Variants in ANK2 observed in about 807,000 individuals in gnomAD.
ANK2 encodes ankyrin-2.
Under a neutral mutation model 360.5 loss-of-function variants are expected in ANK2, and 83 were observed. The observed-to-expected ratio is 0.23, with a 90% CI of 0.19 to 0.28. The LOEUF is 0.28. Ranked by LOEUF, ANK2 falls within the 10% of genes least tolerant of loss-of-function variation. The pLI is 1.00. For synonymous variants in ANK2, 1,740 were observed against 1,759.5 expected (o/e 0.99, Z 0.28); for missense variants, 4,201 against 4,795.7 (o/e 0.88, Z 3.66).
At chr4:113,102,257 T>G (rs2092975148) in intron 1 of ANK2, among the ~76,000 whole-genome samples, 1 of 152,026 alleles carries the variant, frequency 6.6e-6, no homozygotes, top group Non-Finnish European at 1.5e-5. Flanking sequence ...TTTATAAGAC[T>G]CAGGGATAGA....
intron 2 of ANK2, among the ~76,000 whole-genome samples, chr4:112,997,197 G>A (rs146981126): frequency 6.6e-6 from 1 of 151,976 alleles, no homozygotes; most frequent in South Asian, 2.1e-4. Context: ...ACTGTGGAAT[G>A]GCTAAATCAA....
chr4:113,154,856 G>T (rs6823694), intron 1 of ANK2, among the ~76,000 whole-genome samples: 104,016 of 151,986 alleles, frequency 0.68, 36,165 homozygotes, highest in African/African-American at 0.8. Context: ...ATGTAACCCA[G>T]GCAGTTACAG....
intron 2 of ANK2, among the ~76,000 whole-genome samples, chr4:112,960,547 T>C (rs971368119): frequency 6.6e-6 from 1 of 152,164 alleles, no homozygotes; most frequent in Non-Finnish European, 1.5e-5. Context: ...CTTCCCTTAT[T>C]TTAAAATAAA....
intron 2 of ANK2, among the ~76,000 whole-genome samples, chr4:112,987,613 A>G (rs945785347): frequency 2.6e-5 from 4 of 152,156 alleles, no homozygotes; most frequent in African/African-American, 9.7e-5. Flanking sequence ...ATACCCACCA[A>G]CAGGATTACT....
intron 1 of ANK2, among the ~76,000 whole-genome samples, chr4:113,087,523 T>A (rs1271676855): frequency 6.6e-6 from 1 of 152,198 alleles, no homozygotes. Flanking sequence ...CCTGTGTTAT[T>A]TTTTGCTGCT....
intron 1 of ANK2, among the ~76,000 whole-genome samples, chr4:113,161,483 G>C (rs974101587): frequency 5.3e-5 from 8 of 152,068 alleles, no homozygotes; most frequent in Admixed American, 5.2e-4. Flanking sequence ...ACCTTGCATA[G>C]AATTCAAATT....
the ANK2 span, chr4:112,788,050 A>G: frequency 5.5e-6 from 6 of 1,098,412 alleles, no homozygotes; most frequent in East Asian, 1.5e-4. Flanking sequence ...TATTTTAATT[A>G]TTTTTATGTA....
chr4:113,236,874 T>G, intron 5 of ANK2, 113 bp from the exon 6 acceptor site: 1 of 1,087,230 alleles, frequency 9.2e-7, no homozygotes, highest in South Asian at 1.3e-5. Context: ...AGTAATATTT[T>G]ATTCTTTTGG....
chr4:112,943,417 T>C (rs2094359554), intron 2 of ANK2, among the ~76,000 whole-genome samples: 1 of 151,936 alleles, frequency 6.6e-6, no homozygotes, highest in Non-Finnish European at 1.5e-5. Context: ...ACTCTGAAGA[T>C]TGAACAATTG....
At chr4:112,809,127 A>G in the ANK2 span, among the ~76,000 whole-genome samples, 2 of 151,808 alleles carry the variant, frequency 1.3e-5, no homozygotes, top group Non-Finnish European at 2.9e-5. Context: ...CCAAAGTGCT[A>G]GGATTACAGG....
At chr4:113,101,789 G>T (rs2092886959) in intron 1 of ANK2, among the ~76,000 whole-genome samples, 1 of 152,150 alleles carries the variant, frequency 6.6e-6, no homozygotes. Flanking sequence ...TTTGGCTTGA[G>T]TTGGGAATGC....
chr4:112,808,847 C>T, the ANK2 span, among the ~76,000 whole-genome samples: 8 of 152,092 alleles, frequency 5.3e-5, no homozygotes, highest in Non-Finnish European at 8.8e-5. Context: ...CAACTGGGGA[C>T]ATACAGACTA....
At chr4:113,320,542 C>G (rs1289956929) in intron 26 of ANK2, among the ~76,000 whole-genome samples, 1 of 152,090 alleles carries the variant, frequency 6.6e-6, no homozygotes, top group Non-Finnish European at 1.5e-5. Flanking sequence ...GTAATCCCAG[C>G]TACTCAGGAG....
intron 4 of ANK2, among the ~76,000 whole-genome samples, chr4:113,206,647 C>A (rs919518011): frequency 1.0e-5 from 1 of 98,622 alleles, no homozygotes. Flanking sequence ...GGCATCTGTG[C>A]TCCTCAGCAC....
At chr4:112,784,634 C>A in the ANK2 span, among the ~76,000 whole-genome samples, 8 of 152,120 alleles carry the variant, frequency 5.3e-5, no homozygotes, top group East Asian at 1.2e-3. Context: ...TGAGCCACCC[C>A]GTCCGGCCCG....
chr4:113,237,571 CTCTT>C, intron 6 of ANK2, 24 bp from the exon 7 acceptor site: 1 of 1,599,946 alleles, frequency 6.3e-7, no homozygotes, highest in Non-Finnish European at 8.6e-7. Context: ...AATATCTTCC[CTCTT>C]TCTTCCAAAC....
chr4:113,158,090 A>G (rs1161507492), intron 1 of ANK2, among the ~76,000 whole-genome samples: 3 of 152,218 alleles, frequency 2.0e-5, no homozygotes, highest in African/African-American at 7.2e-5. Flanking sequence ...GAGTCTCTTG[A>G]GTAGACAGAT....
intron 2 of ANK2, among the ~76,000 whole-genome samples, chr4:112,983,081 T>G (rs942756295): frequency 1.3e-5 from 2 of 152,184 alleles, no homozygotes; most frequent in Admixed American, 6.5e-5. Context: ...TCTCATTAAC[T>G]CTTAGCAGTA....
At chr4:112,720,531 A>T in the ANK2 span, among the ~76,000 whole-genome samples, 1 of 152,214 alleles carries the variant, frequency 6.6e-6, no homozygotes, top group Admixed American at 6.5e-5. Flanking sequence ...ACTCTCTTGT[A>T]TACAACACAT....
Sources: allele counts gnomAD v4.1 joint callset (sites outside exome capture counted in the v4.1 genomes callset), GRCh38; gene constraint gnomAD v4.1.1; transcripts MANE v1.5; gene names NCBI Gene and HGNC (gene_info 2026-07-23, HGNC 2026-07-21).